Variants in ITPR1 observed in about 807,000 individuals in gnomAD.
ITPR1 encodes the protein inositol 1,4,5-trisphosphate-gated calcium channel ITPR1.
Under a neutral mutation model 318.4 loss-of-function variants are expected in ITPR1, and 96 were observed. The ratio of observed to expected loss-of-function variants is 0.30; its 90% CI spans 0.26 to 0.36. ITPR1 has a LOEUF of 0.36. ITPR1 is among the 10% of genes least tolerant of loss of function. The probability of loss-of-function intolerance (pLI) is 1.00; values close to 1 mark genes in which losing one functional copy is unlikely to be tolerated. For synonymous variants in ITPR1, 1,312 were observed against 1,289.9 expected, an observed-to-expected ratio of 1.02 and a Z score of -0.37; for missense variants, 2,440 against 3,460.2, an observed-to-expected ratio of 0.71 and a Z score of 7.40.
intron 10 of ITPR1, 148 bp downstream of exon 10, chr3:4,645,876 A>AT: frequency 1.4e-6 from 1 of 695,406 alleles, no homozygotes. Flanking sequence ...ACACACACAC[A>AT]GAATACATGT....
In ITPR1 at chr3:4,697,455, C is replaced by CTTTTTTTTTTTTTTTT. The variant is rs369934199; in HGVS notation, c.4407+197_4407+198insTTTTTTTTTTTTTTTT. 1.8e-4 allele frequency among the ~76,000 whole-genome samples: 16 copies of CTTTTTTTTTTTTTTTT among 86,750 alleles called. 3 individuals are homozygous for CTTTTTTTTTTTTTTTT. Among genetic ancestry groups the CTTTTTTTTTTTTTTTT allele is most frequent in the Admixed American group, 9.7e-4 (8 of 8,276 alleles). 56.9% of individuals were successfully genotyped at this position (86,750 alleles called of 152,430 possible). ...CTTTCTTCTCATGTATCCTTTCTTCCTTTTTTTTTTTTTTGAGCTGGAGTC... is the reference window on the plus strand; with the variant it reads ...CTTTCTTCTCATGTATCCTTTCTTCCTTTTTTTTTTTTTTTTTTTTTTTTTTTTTTGAGCTGGAGTC... On this transcript the variant is annotated intron_variant, in intron 34 of 61. Coordinates refer to ENST00000649015, the MANE Select transcript of ITPR1 (RefSeq NM_001378452.1).
chr3:4,525,927 T>C (rs2082944208), intron 4 of ITPR1, among the ~76,000 whole-genome samples: 2 of 152,220 alleles, frequency 1.3e-5, no homozygotes, highest in African/African-American at 2.4e-5. Flanking sequence ...TTCATTTTGC[T>C]CCCAGAATCT....
At chr3:4,494,016 G>C (rs1360208524) in intron 1 of ITPR1, among the ~76,000 whole-genome samples, 2 of 152,046 alleles carry the variant, frequency 1.3e-5, no homozygotes, top group East Asian at 1.9e-4. Context: ...ATGTGTAGGG[G>C]CCCCCCGTGG....
rs1575971873 is a variant in ITPR1, at chr3:4,662,050, G to A, written c.1252-32G>A. 5.6e-6 allele frequency: 9 copies of A among 1,597,106 alleles called. No individual in the cohort carries two copies. In the East Asian group the frequency reaches 2.0e-4, roughly 36 times the overall value. On this transcript the variant is annotated intron_variant, in intron 14 of 61. Transcript: ENST00000649015. The stretch of plus-strand genomic sequence containing the variant: ...AAAGTCTTATCCTTCCCATCCAAGA[G>A]ATTATCTCACAAGGACCACCTTGAA...
At chr3:4,524,315 T>TTTG (rs1553609927) in intron 4 of ITPR1, among the ~76,000 whole-genome samples, 5 of 150,466 alleles carry the variant, frequency 3.3e-5, no homozygotes, top group Non-Finnish European at 7.4e-5. Flanking sequence ...TTTTTTTTTT[T>TTTG]TTTTTTTTTT....
intron 2 of ITPR1, among the ~76,000 whole-genome samples, chr3:4,511,151 G>A (rs1359632387): frequency 2.6e-5 from 4 of 152,184 alleles, no homozygotes; most frequent in Non-Finnish European, 5.9e-5. Flanking sequence ...CCAGCAGAGT[G>A]GACGAGAAGA....
chr3:4,628,871 C>T (rs927802376), intron 5 of ITPR1, among the ~76,000 whole-genome samples: 6 of 152,250 alleles, frequency 3.9e-5, no homozygotes, highest in Non-Finnish European at 7.3e-5. Context: ...GAGCCCCAAG[C>T]ACCTCAAGAG....
intron 2 of ITPR1, among the ~76,000 whole-genome samples, chr3:4,501,032 A>G (rs889627755): frequency 1.2e-4 from 11 of 93,886 alleles, no homozygotes; most frequent in Admixed American, 2.0e-4. Flanking sequence ...TTAAAAAAAA[A>G]ATTTTTTTTT....
intron 4 of ITPR1, among the ~76,000 whole-genome samples, chr3:4,529,441 C>G (rs1394608493): frequency 6.6e-6 from 1 of 152,196 alleles, no homozygotes; most frequent in Admixed American, 6.5e-5. Context: ...AAGCAGTATA[C>G]TGTGGTTGAT....
At chr3:4,601,011 C>A (rs2686620) in intron 4 of ITPR1, among the ~76,000 whole-genome samples, 144,214 of 152,136 alleles carry the variant, frequency 0.95, 68,408 homozygotes, top group Middle Eastern at 0.99. Context: ...TTCTGAGTAA[C>A]TAATTGAGGA....
intron 53 of ITPR1, among the ~76,000 whole-genome samples, chr3:4,796,515 A>G (rs2125417188): frequency 6.6e-6 from 1 of 152,270 alleles, no homozygotes; most frequent in Non-Finnish European, 1.5e-5. Flanking sequence ...GGAAGTTGTC[A>G]TGTTCCTCAC....
intron 50 of ITPR1, 135 bp downstream of exon 50, chr3:4,782,876 C>T (rs942455909): frequency 7.5e-6 from 6 of 801,342 alleles, no homozygotes; most frequent in South Asian, 4.9e-5. Flanking sequence ...GCCTGCGGCT[C>T]ACAGGTGCTC....
intron 4 of ITPR1, among the ~76,000 whole-genome samples, chr3:4,532,538 T>C (rs145877582): frequency 6.6e-6 from 1 of 152,058 alleles, no homozygotes; most frequent in Non-Finnish European, 1.5e-5. Flanking sequence ...ACCCAGCTAA[T>C]TTTTGTATTT....
chr3:4,676,982 C>T (rs941117531), intron 24 of ITPR1, among the ~76,000 whole-genome samples, 181 bp downstream of exon 24: 5 of 152,188 alleles, frequency 3.3e-5, no homozygotes, highest in African/African-American at 4.8e-5. Flanking sequence ...CTTTCTCCTA[C>T]CCTCCCAACA....
At chr3:4,758,994 T>C (rs2125359903) in intron 44 of ITPR1, among the ~76,000 whole-genome samples, 1 of 152,360 alleles carries the variant, frequency 6.6e-6, no homozygotes, top group Non-Finnish European at 1.5e-5. Flanking sequence ...TGTCTAACAA[T>C]AATACCCCTT....
chr3:4,627,659 T>C (rs2092879914), intron 4 of ITPR1, 104 bp from the exon 5 acceptor site: 4 of 705,848 alleles, frequency 5.7e-6, no homozygotes, highest in Non-Finnish European at 1.0e-5. Context: ...CTATGTATGA[T>C]GTAATTTTAT....
Position 4,675,169 on chromosome 3 carries a change from T to C in ITPR1, c.2700T>C (p.His900=), listed in dbSNP as rs372877080. ...KILLAILDCV[H]VTTIFPISKM... ...TTCTGGCCATATTGGACTGTGTACATGTGACAACAATCTTCCCCATTAGCA... is the reference window on the plus strand; with the variant it reads ...TTCTGGCCATATTGGACTGTGTACACGTGACAACAATCTTCCCCATTAGCA... Residue 900 remains histidine, a synonymous_variant, in exon 23 of 62, where the codon CAT becomes CAC. Transcript: ENST00000649015. The C allele has an allele frequency of 6.2e-7, 1 of 1,612,254 alleles. No homozygotes were observed.
At chr3:4,640,031 A>T (rs2093301622) in intron 6 of ITPR1, among the ~76,000 whole-genome samples, 1 of 152,182 alleles carries the variant, frequency 6.6e-6, no homozygotes. Context: ...AATCCAGGAA[A>T]AGCTAAACAG....
intron 2 of ITPR1, among the ~76,000 whole-genome samples, chr3:4,515,432 G>T (rs973335442): frequency 2.0e-5 from 3 of 152,198 alleles, no homozygotes; most frequent in African/African-American, 7.2e-5. Context: ...TCTGGGTTTG[G>T]AGGAGGGGTT....
Sources: gnomAD v4.1 joint callset for allele counts (sites outside exome capture counted in the v4.1 genomes callset) on GRCh38, gnomAD v4.1.1 for gene constraint, MANE v1.5 for transcripts, NCBI Gene and HGNC (gene_info 2026-07-23, HGNC 2026-07-21) for gene names.